CNTN4: variants seen among roughly 807,000 people sequenced by gnomAD.
The protein encoded by CNTN4 is contactin-4.
In CNTN4, 77 loss-of-function variants were observed where a neutral mutation model predicts 122.5. That is an observed-to-expected ratio of 0.63 (90% confidence interval 0.52 to 0.76). CNTN4 has a LOEUF of 0.76. Among genes scored for constraint, CNTN4 ranks in the 30% least tolerant of loss-of-function variants. The pLI, the probability that CNTN4 is intolerant of heterozygous loss-of-function variation, is 0.00. For synonymous variants in CNTN4, 512 were observed against 447.0 expected, an observed-to-expected ratio of 1.15 and a Z score of -1.83; for missense variants, 1,256 against 1,259.1, an observed-to-expected ratio of 1.00 and a Z score of 0.04.
At chr3:2,536,080 T>A (rs976570177) in intron 3 of CNTN4, among the ~76,000 whole-genome samples, 8 of 152,158 alleles carry the variant, frequency 5.3e-5, no homozygotes, top group African/African-American at 1.4e-4. Flanking sequence ...ATGTTGCATT[T>A]AAAACCTCAT....
chr3:2,571,043 G>A (rs1211330918), intron 3 of CNTN4, among the ~76,000 whole-genome samples: 1 of 137,764 alleles, frequency 7.3e-6, no homozygotes, highest in Non-Finnish European at 1.6e-5. Context: ...TTGTTCTGTG[G>A]CAGTTCTGTA....
At chr3:2,608,086 A>G (rs1294759292) in intron 4 of CNTN4, among the ~76,000 whole-genome samples, 1 of 152,172 alleles carries the variant, frequency 6.6e-6, no homozygotes, top group Non-Finnish European at 1.5e-5. Flanking sequence ...AATTTATTGT[A>G]AGATCTAACC....
At chr3:2,519,221 C>A (rs985688087) in intron 3 of CNTN4, among the ~76,000 whole-genome samples, 2 of 152,118 alleles carry the variant, frequency 1.3e-5, no homozygotes, top group Non-Finnish European at 2.9e-5. Flanking sequence ...AATCCTTTTG[C>A]CAAAGTGGCA....
At chr3:2,165,373 C>T (rs74483361) in intron 2 of CNTN4, among the ~76,000 whole-genome samples, 4,715 of 151,532 alleles carry the variant, frequency 0.031, 107 homozygotes, top group Non-Finnish European at 0.048. Context: ...TTTTCTTTCC[C>T]CAGCTTTATT....
At chr3:2,515,073 C>T (rs551509840) in intron 3 of CNTN4, among the ~76,000 whole-genome samples, 45 of 152,154 alleles carry the variant, frequency 3.0e-4, no homozygotes, top group African/African-American at 9.4e-4. Context: ...AAACGAGGTT[C>T]GGATTGTCTG....
chr3:2,571,658 A>G (rs113847954), intron 4 of CNTN4, 100 bp downstream of exon 4: 27 of 846,476 alleles, frequency 3.2e-5, no homozygotes, highest in African/African-American at 2.7e-4. Flanking sequence ...ATAAAATCGC[A>G]AGAGTATATG....
intron 3 of CNTN4, among the ~76,000 whole-genome samples, chr3:2,453,020 G>C (rs966503457): frequency 4.6e-5 from 7 of 151,814 alleles, no homozygotes; most frequent in Non-Finnish European, 7.4e-5. Flanking sequence ...GCAATTATTC[G>C]TAATGTTCAT....
At chr3:2,141,589 G>T (rs1005518576) in intron 2 of CNTN4, among the ~76,000 whole-genome samples, 1 of 152,138 alleles carries the variant, frequency 6.6e-6, no homozygotes, top group Admixed American at 6.5e-5. Context: ...GTGGCAATTT[G>T]TCACATCAGT....
chr3:2,825,221 A>ATTTAT (rs1160544497), intron 7 of CNTN4, among the ~76,000 whole-genome samples: 4 of 151,912 alleles, frequency 2.6e-5, no homozygotes, highest in African/African-American at 7.2e-5. Flanking sequence ...CTAAAAAATA[A>ATTTAT]TTTATTTTAT....
At chr3:2,745,817 T>C in intron 6 of CNTN4, 120 bp downstream of exon 6, 1 of 875,850 alleles carries the variant, frequency 1.1e-6, no homozygotes, top group South Asian at 1.5e-5. Context: ...ATGATCATCT[T>C]TACTCTTTTT....
At chr3:2,926,715 C>T (rs1025883955) in intron 13 of CNTN4, among the ~76,000 whole-genome samples, 1 of 152,146 alleles carries the variant, frequency 6.6e-6, no homozygotes, top group Non-Finnish European at 1.5e-5. Flanking sequence ...CATATTAGAC[C>T]TGATGATGAT....
chr3:2,346,188 C>T (rs2044391941), intron 3 of CNTN4, among the ~76,000 whole-genome samples: 2 of 151,900 alleles, frequency 1.3e-5, no homozygotes, highest in Admixed American at 6.6e-5. Flanking sequence ...TTCTTAATTC[C>T]ATTAATTTCT....
intron 2 of CNTN4, among the ~76,000 whole-genome samples, chr3:2,156,004 C>G (rs1056049132): frequency 6.6e-6 from 1 of 152,112 alleles, no homozygotes; most frequent in African/African-American, 2.4e-5. Flanking sequence ...GCTCGGGTTG[C>G]TTTTTCTCTT....
At position 3,040,004 on chromosome 3, in the gene CNTN4, T is replaced by C. The variant is rs576862769; in HGVS notation, c.2164-33T>C. On this transcript the variant is annotated intron_variant, in intron 19 of 24. Transcript: ENST00000418658. ...TTTTTGCATTTGAGTGAAACTACTGTGATTTCTGAAGACCACCTTCCTTCT... is the reference window on the plus strand; with the variant it reads ...TTTTTGCATTTGAGTGAAACTACTGCGATTTCTGAAGACCACCTTCCTTCT... The C allele has an allele frequency of 5.0e-4, 722 of 1,452,056 alleles. 9 individuals are homozygous for C. In the South Asian group the frequency reaches 7.5e-3, roughly 15 times the overall value. The allele number at this position is 1,452,056 out of a possible 1,614,324, so 89.9% of individuals were successfully genotyped here. A position where few individuals can be genotyped will look rare whatever the true frequency, so the allele number is the denominator to read the frequency against.
intron 4 of CNTN4, among the ~76,000 whole-genome samples, chr3:2,583,135 A>G (rs774259539): frequency 2.6e-5 from 4 of 152,254 alleles, no homozygotes; most frequent in Non-Finnish European, 4.4e-5. Flanking sequence ...TGGAATGGAA[A>G]CAAATGTCAA....
At chr3:2,458,909 G>A (rs1297023683) in intron 3 of CNTN4, among the ~76,000 whole-genome samples, 3 of 152,108 alleles carry the variant, frequency 2.0e-5, no homozygotes. Context: ...TGCAATATTG[G>A]ATCTTTCGTC....
intron 4 of CNTN4, among the ~76,000 whole-genome samples, chr3:2,625,246 C>A (rs1349364081): frequency 6.6e-6 from 1 of 152,114 alleles, no homozygotes; most frequent in East Asian, 1.9e-4. Flanking sequence ...TCCCACAACG[C>A]CACAAGAGCA....
intron 14 of CNTN4, among the ~76,000 whole-genome samples, chr3:3,012,946 C>T (rs113842930): frequency 0.11 from 16,134 of 151,740 alleles, 905 homozygotes; most frequent in South Asian, 0.14. Context: ...CCAGCCCGGG[C>T]AACAAGAGCG....
chr3:2,215,078 A>T (rs1000613931), intron 2 of CNTN4, among the ~76,000 whole-genome samples: 4 of 152,210 alleles, frequency 2.6e-5, no homozygotes, highest in African/African-American at 9.6e-5. Context: ...ACAGATACAA[A>T]CATATCCTTT....
Sources: gnomAD v4.1 joint callset for allele counts (sites outside exome capture counted in the v4.1 genomes callset) on GRCh38, gnomAD v4.1.1 for gene constraint, MANE v1.5 for transcripts, NCBI Gene and HGNC (gene_info 2026-07-23, HGNC 2026-07-21) for gene names.